The following ZNF831 variants were observed in gnomAD, a reference collection of about 807,000 sequenced individuals.
The protein encoded by ZNF831 is chromosome 20 open reading frame 174.
Under a neutral mutation model 95.8 loss-of-function variants are expected in ZNF831, and 59 were observed. The ratio of observed to expected loss-of-function variants is 0.62; its 90% confidence interval spans 0.50 to 0.77. The LOEUF (loss-of-function observed/expected upper bound fraction) is 0.77. Among genes scored for constraint, ZNF831 ranks in the 30% least tolerant of loss-of-function variants. The pLI is 0.00. For missense variants in ZNF831, 2,205 were observed against 2,164.0 expected (o/e 1.02, Z -0.38); for synonymous variants, 961 against 925.5 (o/e 1.04, Z -0.70).
intron 1 of ZNF831, among the ~76,000 whole-genome samples, chr20:59,185,790 C>T (rs944361921): frequency 1.3e-5 from 2 of 152,188 alleles, no homozygotes; most frequent in Non-Finnish European, 2.9e-5. Context: ...TCCTCCCTTC[C>T]GTGACCTCCC....
chr20:59,148,456 C>G lies in ZNF831; in HGVS notation c.-1281+2082C>G, dbSNP rs1222027099. 2.7e-5 allele frequency among the ~76,000 whole-genome samples: 4 copies of G among 146,844 alleles called. 1 individual carries two copies. The highest frequency in any genetic ancestry group is 6.0e-5 in the Non-Finnish European group (4 of 66,390). On this transcript the variant is annotated intron_variant, in intron 2 of 7. Transcript: ENST00000637017. ...CAGCACTTTGGGAGGCCGAGACGGG[C>G]AGATCACGAGGTCAGGAGATCGAGA...
intron 1 of ZNF831, among the ~76,000 whole-genome samples, chr20:59,177,700 G>A (rs1246057886): frequency 1.3e-5 from 2 of 152,172 alleles, no homozygotes; most frequent in African/African-American, 4.8e-5. Context: ...GTCTCTCCTG[G>A]GATTGCTTGG....
At chr20:59,209,289 G>A (rs1199747892) in intron 4 of ZNF831, among the ~76,000 whole-genome samples, 1 of 152,234 alleles carries the variant, frequency 6.6e-6, no homozygotes, top group African/African-American at 2.4e-5. Flanking sequence ...CACATACTGA[G>A]TGCCCATGAG....
rs1983797598 is a variant in ZNF831, at chr20:59,193,518, G to C, written c.2499G>C (p.Trp833Cys). 1.9e-6 allele frequency: 3 copies of C among 1,608,840 alleles called. No individual in the cohort carries two copies. In the African/African-American group the frequency reaches 4.0e-5, roughly 21 times the overall value. ...KKLKVEDLHSWKQPEPVSAET... is the reference protein window; with the variant it reads ...KKLKVEDLHSCKQPEPVSAET... Reference sequence around the variant, plus strand: ...TGAAAGTGGAGGACCTGCACAGCTGGAAGCAACCAGAGCCTGTGAGCGCAG... The same window carrying C: ...TGAAAGTGGAGGACCTGCACAGCTGCAAGCAACCAGAGCCTGTGAGCGCAG... Residue 833 changes from tryptophan (W) to cysteine (C), a missense_variant, in exon 2 of 6, where the codon TGG becomes TGC. Transcript: ENST00000371030.
chr20:59,229,349 G>A (rs1169124738), intron 4 of ZNF831, among the ~76,000 whole-genome samples: 1 of 152,192 alleles, frequency 6.6e-6, no homozygotes, highest in Non-Finnish European at 1.5e-5. Context: ...TTGAGACCTA[G>A]ATTGGGAACT....
At chr20:59,133,819 C>A in intron 1 of ZNF831, among the ~76,000 whole-genome samples, 1 of 152,312 alleles carries the variant, frequency 6.6e-6, no homozygotes, top group Non-Finnish European at 1.5e-5. Flanking sequence ...CATGCCTCCC[C>A]CTGGCTCTCT....
chr20:59,157,052 A>G (rs1045163297), intron 2 of ZNF831, among the ~76,000 whole-genome samples: 6 of 152,164 alleles, frequency 3.9e-5, no homozygotes, highest in African/African-American at 1.4e-4. Context: ...CACCTCAAGC[A>G]TTTATCATCT....
intron 4 of ZNF831, among the ~76,000 whole-genome samples, chr20:59,250,032 A>C (rs1403179354): frequency 6.6e-6 from 1 of 152,196 alleles, no homozygotes; most frequent in African/African-American, 2.4e-5. Context: ...TCAGACATTC[A>C]TGGTACCAGG....
intron 1 of ZNF831, among the ~76,000 whole-genome samples, chr20:59,165,534 A>C (rs1206904038): frequency 6.6e-6 from 1 of 152,184 alleles, no homozygotes; most frequent in African/African-American, 2.4e-5. Context: ...GTTCAAAGAC[A>C]GGTCTTATCT....
chr20:59,207,339 C>T (rs986758343), intron 4 of ZNF831, among the ~76,000 whole-genome samples: 4 of 152,350 alleles, frequency 2.6e-5, no homozygotes, highest in East Asian at 1.9e-4. Flanking sequence ...TGCAGGTTCC[C>T]TCCAGGACCC....
At position 59,194,004 on chromosome 20, in the gene ZNF831, C is replaced by T. The variant is rs2146592711; in HGVS notation, c.2985C>T (p.Gly995=). Residue 995 remains glycine (G), a synonymous_variant, in exon 2 of 6, where the codon GGC becomes GGT. Coordinates refer to ENST00000371030, the MANE Select transcript of ZNF831 (RefSeq NM_178457.3). ...CTCTTTCTCCCAGCCCAGCCTCAGG[C>T]CCCTCCCCAGGTGAGGCGGACAGCA... The part of the protein sequence containing the change: ...GTPLSPSPAS[G]PSPGEADSIL... 6.5e-7 allele frequency: 1 copy of T among 1,530,762 alleles called. No individual in the cohort carries two copies. Among genetic ancestry groups the T allele is most frequent in the Non-Finnish European group, 8.8e-7 (1 of 1,141,128 alleles). 94.8% of individuals were successfully genotyped at this position (1,530,762 alleles called of 1,614,324 possible).
At chr20:59,228,908 ATTCT>A (rs1372808521) in intron 4 of ZNF831, among the ~76,000 whole-genome samples, 1 of 152,140 alleles carries the variant, frequency 6.6e-6, no homozygotes, top group Admixed American at 6.5e-5. Context: ...ACTAGATTTT[ATTCT>A]TTCTGACTAT....
At chr20:59,194,845 C>T (rs2146605548) in intron 2 of ZNF831, 88 bp downstream of exon 2, 3 of 1,442,210 alleles carry the variant, frequency 2.1e-6, no homozygotes, top group Middle Eastern at 2.5e-4. Flanking sequence ...AAGTCTGAAG[C>T]CGTCCCATGT....
intron 1 of ZNF831, among the ~76,000 whole-genome samples, chr20:59,140,459 A>G (rs1413862578): frequency 2.6e-5 from 4 of 151,808 alleles, no homozygotes; most frequent in South Asian, 2.1e-4. Flanking sequence ...CACCATCACA[A>G]TTTTTTTCTG....
chr20:59,250,664 A>G (rs1477870223), intron 4 of ZNF831, among the ~76,000 whole-genome samples: 2 of 152,260 alleles, frequency 1.3e-5, no homozygotes, highest in Non-Finnish European at 2.9e-5. Flanking sequence ...ACAACCCATT[A>G]TTAACATTGC....
chr20:59,229,311 T>C (rs2146693292), intron 4 of ZNF831, among the ~76,000 whole-genome samples: 1 of 152,292 alleles, frequency 6.6e-6, no homozygotes, highest in East Asian at 1.9e-4. Flanking sequence ...TCCCTTCTTT[T>C]GGCTAAACAC....
chr20:59,187,939 G>A (rs374389866), intron 1 of ZNF831, among the ~76,000 whole-genome samples: 52 of 152,190 alleles, frequency 3.4e-4, no homozygotes, highest in Non-Finnish European at 7.2e-4. Flanking sequence ...GCAGCATGAC[G>A]TTTTCAAGGT....
intron 3 of ZNF831, among the ~76,000 whole-genome samples, chr20:59,203,316 T>A (rs1984660124): frequency 6.6e-6 from 1 of 152,210 alleles, no homozygotes; most frequent in Admixed American, 6.5e-5. Context: ...TATATACATA[T>A]ATATTTGATC....
intron 3 of ZNF831, among the ~76,000 whole-genome samples, chr20:59,205,228 T>C (rs1272334027): frequency 6.6e-6 from 1 of 152,166 alleles, no homozygotes; most frequent in Non-Finnish European, 1.5e-5. Flanking sequence ...GTGCCACCCC[T>C]TCCTTCCTCC....
Sources: allele counts gnomAD v4.1 joint callset (sites outside exome capture counted in the v4.1 genomes callset), GRCh38; gene constraint gnomAD v4.1.1; transcripts MANE v1.5; gene names NCBI Gene and HGNC (gene_info 2026-07-23, HGNC 2026-07-21).